NMT2: variants seen among roughly 807,000 people sequenced by gnomAD.
NMT2 encodes glycylpeptide N-tetradecanoyltransferase 2.
In NMT2, 35 loss-of-function variants were observed where a neutral mutation model predicts 65.4. That is an observed-to-expected ratio of 0.54 (90% CI 0.41 to 0.71). The LOEUF (loss-of-function observed/expected upper bound fraction) is 0.71, where lower values mean the gene tolerates loss of function less well. Ranked by LOEUF, NMT2 falls within the 30% of genes least tolerant of loss-of-function variation. The probability of loss-of-function intolerance (pLI) is 0.00; values close to 1 mark genes in which losing one functional copy is unlikely to be tolerated. For missense variants in NMT2, 489 were observed against 611.3 expected, an observed-to-expected ratio of 0.80 and a Z score of 2.11; for synonymous variants, 226 against 231.8, an observed-to-expected ratio of 0.98 and a Z score of 0.23.
At chr10:15,126,931 C>T (rs1262665093) in intron 8 of NMT2, among the ~76,000 whole-genome samples, 2 of 152,206 alleles carry the variant, frequency 1.3e-5, no homozygotes, top group Admixed American at 6.6e-5. Context: ...TATATTTTTC[C>T]CTATTAAAAA....
intron 3 of NMT2, among the ~76,000 whole-genome samples, chr10:15,134,841 G>A (rs914607966): frequency 1.3e-5 from 2 of 152,086 alleles, no homozygotes; most frequent in East Asian, 1.9e-4. Context: ...AATTAGCCAG[G>A]TGTGGTGGTG....
At chr10:15,148,938 T>C (rs573415745) in intron 1 of NMT2, among the ~76,000 whole-genome samples, 1 of 152,116 alleles carries the variant, frequency 6.6e-6, no homozygotes, top group East Asian at 1.9e-4. Flanking sequence ...TGGCAAACAT[T>C]TTAAAATCTA....
intron 10 of NMT2, among the ~76,000 whole-genome samples, chr10:15,111,201 A>C (rs1179739849): frequency 6.6e-6 from 1 of 152,054 alleles, no homozygotes; most frequent in Non-Finnish European, 1.5e-5. Flanking sequence ...CCAGGGACCA[A>C]AGTTGTAAAG....
At chr10:15,110,429 T>C (rs565612297) in intron 10 of NMT2, among the ~76,000 whole-genome samples, 2 of 152,168 alleles carry the variant, frequency 1.3e-5, no homozygotes, top group African/African-American at 2.4e-5. Context: ...AGCCTGGGCA[T>C]AGGCTGTAGG....
At chr10:15,132,705 G>A in intron 6 of NMT2, 112 bp downstream of exon 6, 1 of 717,694 alleles carries the variant, frequency 1.4e-6, no homozygotes. Flanking sequence ...TGGGATTAGA[G>A]GTGTGAGCCA....
At chr10:15,117,486 C>T (rs1192496163) in intron 9 of NMT2, among the ~76,000 whole-genome samples, 1 of 152,162 alleles carries the variant, frequency 6.6e-6, no homozygotes, top group Admixed American at 6.6e-5. Context: ...ATCAAGAACA[C>T]GACGAGGATG....
chr10:15,151,589 T>C (rs1195637353), intron 1 of NMT2, among the ~76,000 whole-genome samples: 1 of 152,202 alleles, frequency 6.6e-6, no homozygotes, highest in East Asian at 1.9e-4. Flanking sequence ...TATTTACATA[T>C]CTTTAAGATC....
At chr10:15,139,978 G>A (rs1846684652) in intron 2 of NMT2, among the ~76,000 whole-genome samples, 1 of 148,864 alleles carries the variant, frequency 6.7e-6, no homozygotes, top group African/African-American at 2.5e-5. Context: ...ATCGAACTGC[G>A]AGTTAGAGAG....
intron 7 of NMT2, among the ~76,000 whole-genome samples, chr10:15,129,332 A>G (rs988718044): frequency 6.6e-6 from 1 of 152,144 alleles, no homozygotes; most frequent in African/African-American, 2.4e-5. Context: ...CAATAAAAAC[A>G]GTGGTGAGGG....
At chr10:15,126,840 C>T (rs1343027292) in intron 8 of NMT2, among the ~76,000 whole-genome samples, 1 of 152,234 alleles carries the variant, frequency 6.6e-6, no homozygotes, top group Admixed American at 6.5e-5. Context: ...TTAAGCAGCT[C>T]AGTTTGTGGT....
At chr10:15,125,380 A>G (rs903700048) in intron 8 of NMT2, among the ~76,000 whole-genome samples, 5 of 152,216 alleles carry the variant, frequency 3.3e-5, no homozygotes, top group African/African-American at 1.2e-4. Flanking sequence ...CTCTTGTACA[A>G]AAATATTAAG....
intron 8 of NMT2, 90 bp from the exon 9 acceptor site, chr10:15,119,603 C>T: frequency 9.6e-7 from 1 of 1,043,458 alleles, no homozygotes; most frequent in Non-Finnish European, 1.5e-6. Flanking sequence ...TGCAGACCAG[C>T]AGAATGAGCA....
At chr10:15,149,179 A>T (rs1448439869) in intron 1 of NMT2, among the ~76,000 whole-genome samples, 4 of 150,498 alleles carry the variant, frequency 2.7e-5, no homozygotes, top group Non-Finnish European at 5.9e-5. Context: ...CGCCATCACC[A>T]CCACCACTGC....
intron 8 of NMT2, among the ~76,000 whole-genome samples, chr10:15,122,518 A>G (rs1589303434): frequency 6.6e-6 from 1 of 151,988 alleles, no homozygotes. Context: ...CCCGGGTTCA[A>G]GTGATTTGAT....
intron 8 of NMT2, among the ~76,000 whole-genome samples, chr10:15,127,571 T>TAAAA (rs1222509538): frequency 2.6e-5 from 2 of 75,810 alleles, no homozygotes; most frequent in East Asian, 4.8e-4. Context: ...AAAAAAAAAA[T>TAAAA]AAATAAATAA....
chr10:15,110,097 C>G (rs1054048247), intron 10 of NMT2, among the ~76,000 whole-genome samples: 5 of 151,868 alleles, frequency 3.3e-5, no homozygotes, highest in African/African-American at 1.2e-4. Context: ...CATGGCGAAA[C>G]CCCATCTCTA....
At position 15,145,229 on chromosome 10, in the gene NMT2, G is replaced by C. The variant is rs549814558; in HGVS notation, c.111-3672C>G. ...CCACAGAAACAGAACTAGATTAGTGGTGGTCAGGGGCTGGGAAGATGGAGG... is the reference window on the plus strand; with the variant it reads ...CCACAGAAACAGAACTAGATTAGTGCTGGTCAGGGGCTGGGAAGATGGAGG... On this transcript the variant is annotated intron_variant, in intron 1 of 11. Coordinates refer to ENST00000378165, the MANE Select transcript of NMT2 (RefSeq NM_004808.3). Among the ~76,000 whole-genome samples, 4 of 152,338 alleles carry C rather than the reference G, an allele frequency of 2.6e-5. No individual in the cohort carries two copies. The South Asian group carries it at 8.3e-4, about 32-fold the overall frequency.
intron 8 of NMT2, among the ~76,000 whole-genome samples, chr10:15,123,801 G>T (rs1845999571): frequency 1.3e-5 from 2 of 152,094 alleles, no homozygotes; most frequent in African/African-American, 4.8e-5. Flanking sequence ...CAACTAATAT[G>T]CATGATTCAT....
chr10:15,130,849 G>A (rs1298996307), intron 6 of NMT2, among the ~76,000 whole-genome samples: 8 of 145,634 alleles, frequency 5.5e-5, no homozygotes, highest in Middle Eastern at 3.7e-3. Flanking sequence ...GAGTGCAATG[G>A]CGCAATCTTG....
Sources: gnomAD v4.1 joint callset for allele counts (sites outside exome capture counted in the v4.1 genomes callset) on GRCh38, gnomAD v4.1.1 for gene constraint, MANE v1.5 for transcripts, NCBI Gene and HGNC (gene_info 2026-07-23, HGNC 2026-07-21) for gene names.